Variants in ENTPD4 observed in about 807,000 individuals in gnomAD.
ENTPD4 encodes the protein Golgi UDPase.
In ENTPD4, 60 loss-of-function variants were observed where a neutral mutation model predicts 79.1. The observed-to-expected ratio is 0.76, with a 90% confidence interval of 0.62 to 0.94. ENTPD4 has a LOEUF of 0.94. Among genes scored for constraint, ENTPD4 ranks in the 40% least tolerant of loss-of-function variants. The pLI is 0.00. For missense variants in ENTPD4, 772 were observed against 775.1 expected (o/e 1.00, Z 0.05); for synonymous variants, 276 against 292.0 (o/e 0.95, Z 0.56).
rs1372518693 is a variant in ENTPD4, at chr8:23,432,121, T to G, written c.*805A>C. The G allele has an allele frequency of 4.1e-5, 40 of 984,642 alleles. No homozygotes were observed. The highest frequency in any genetic ancestry group is 4.5e-5 in the Non-Finnish European group (37 of 829,432). The allele number at this position is 984,642 out of a possible 1,614,324, so 61.0% of individuals were successfully genotyped here. A position where few individuals can be genotyped will look rare whatever the true frequency, so the allele number is the denominator to read the frequency against. On this transcript the variant is annotated 3_prime_UTR_variant, in exon 13 of 13. Transcript: ENST00000358689. Reference sequence around the variant, plus strand: ...TTGGATATAAATGGTTTAAAAAATTTAAATTTGCAAAGAAAACATATACAG... The same window carrying G: ...TTGGATATAAATGGTTTAAAAAATTGAAATTTGCAAAGAAAACATATACAG...
chr8:23,442,482 G>A (rs1277888902), intron 6 of ENTPD4, among the ~76,000 whole-genome samples: 1 of 152,098 alleles, frequency 6.6e-6, no homozygotes, highest in Non-Finnish European at 1.5e-5. Flanking sequence ...TCAAGAGATT[G>A]AGACCATCCT....
chr8:23,452,934 C>G (rs1283346085), intron 1 of ENTPD4, among the ~76,000 whole-genome samples: 1 of 152,194 alleles, frequency 6.6e-6, no homozygotes, highest in African/African-American at 2.4e-5. Context: ...CATTACATGA[C>G]AAGCCCCACT....
At position 23,432,738 on chromosome 8, in the gene ENTPD4, T is replaced by C. The variant is rs981453592; in HGVS notation, c.*188A>G. 1 of 1,286,456 alleles carries C rather than the reference T, an allele frequency of 7.8e-7. No homozygotes were observed. The highest frequency in any genetic ancestry group is 2.7e-5 in the East Asian group (1 of 37,210). 79.7% of individuals were successfully genotyped at this position (1,286,456 alleles called of 1,614,324 possible). On this transcript the variant is annotated 3_prime_UTR_variant, in exon 13 of 13. Transcript: ENST00000358689. ...TGGTCTCGATCTCCTGACCTCATGA[T>C]CCGCCCGCCTCGGCCTCCCAAAGTG...
chr8:23,442,203 C>T, intron 6 of ENTPD4, 137 bp from the exon 7 acceptor site: 2 of 605,806 alleles, frequency 3.3e-6, no homozygotes, highest in Non-Finnish European at 5.8e-6. Flanking sequence ...TAACACCTTG[C>T]TACTGATGTT....
intron 1 of ENTPD4, among the ~76,000 whole-genome samples, chr8:23,451,622 C>T (rs1186788006): frequency 4.6e-5 from 7 of 152,190 alleles, no homozygotes; most frequent in Non-Finnish European, 1.0e-4. Flanking sequence ...CAGGATCTAA[C>T]ACCTGTTAAG....
intron 10 of ENTPD4, among the ~76,000 whole-genome samples, chr8:23,435,736 A>T (rs1308736237): frequency 1.3e-5 from 2 of 152,210 alleles, no homozygotes; most frequent in African/African-American, 4.8e-5. Context: ...AACCTCTCCA[A>T]AACTGTTTAG....
Position 23,441,663 on chromosome 8 carries a change from C to G in ENTPD4, c.788G>C (p.Arg263Pro). Residue 263 changes from arginine to proline, a missense_variant, in exon 8 of 13, where the codon CGT (arginine) becomes CCT (proline). By Grantham distance (103) the Arg-to-Pro change is moderately radical. Transcript: ENST00000358689. The stretch of plus-strand genomic sequence containing the variant: ...GTCGAGAATGCCCGCTGTCCTTTTA[C>G]GGACAATGGCTTCGCTGCTTTCACT... Reference protein sequence around the residue: ...PGSESSEAIVRKRTAGILDMG... With the variant: ...PGSESSEAIVPKRTAGILDMG... 1.9e-6 allele frequency: 3 copies of G among 1,614,078 alleles called. No homozygotes were observed. The highest frequency in any genetic ancestry group is 2.5e-6 in the Non-Finnish European group (3 of 1,179,962).
chr8:23,453,592 T>C (rs1237604747), intron 1 of ENTPD4, among the ~76,000 whole-genome samples: 1 of 152,032 alleles, frequency 6.6e-6, no homozygotes, highest in East Asian at 1.9e-4. Context: ...TAAATAGAAA[T>C]AAAAACAGCT....
Position 23,434,300 on chromosome 8 carries a change from C to G in ENTPD4, c.1622+17G>C. 6.2e-7 allele frequency: 1 copy of G among 1,607,170 alleles called. No individual in the cohort carries two copies. Among genetic ancestry groups the G allele is most frequent in the Admixed American group, 1.7e-5 (1 of 59,556 alleles). Reference sequence around the variant, plus strand: ...AAAGCATCTTTTTGATTCTCGTTCCCAAATTCACAGCCCTACCTTAATGGT... The same window carrying G: ...AAAGCATCTTTTTGATTCTCGTTCCGAAATTCACAGCCCTACCTTAATGGT... On this transcript the variant is annotated intron_variant, in intron 12 of 12. Coordinates refer to ENST00000358689, the MANE Select transcript of ENTPD4 (RefSeq NM_004901.5).
chr8:23,432,820 G>C lies in ENTPD4; in HGVS notation c.*106C>G, dbSNP rs1800479782. Reference sequence around the variant, plus strand: ...GCCTGCATTTTGTTTTTGTTTGGAGGAACAAAAAAGGGAAAGAAAAAACAA... The same window carrying C: ...GCCTGCATTTTGTTTTTGTTTGGAGCAACAAAAAAGGGAAAGAAAAAACAA... On this transcript the variant is annotated 3_prime_UTR_variant, in exon 13 of 13. Coordinates refer to ENST00000358689, the MANE Select transcript of ENTPD4 (RefSeq NM_004901.5). The C allele has an allele frequency of 6.9e-7, 1 of 1,447,080 alleles. No homozygotes were observed. The highest frequency in any genetic ancestry group is 9.1e-7 in the Non-Finnish European group (1 of 1,101,212). The allele number at this position is 1,447,080 out of a possible 1,614,324, so 89.6% of individuals were successfully genotyped here. A position where few individuals can be genotyped will look rare whatever the true frequency, so the allele number is the denominator to read the frequency against.
intron 9 of ENTPD4, 38 bp from the exon 10 acceptor site, chr8:23,437,296 G>A (rs1249456733): frequency 4.0e-6 from 6 of 1,494,744 alleles, no homozygotes; most frequent in Non-Finnish European, 4.5e-6. Flanking sequence ...GAGTCCTACA[G>A]AAAACTGTGT....
chr8:23,440,391 A>C lies in ENTPD4; in HGVS notation c.883-476T>G, dbSNP rs139959991. ...AAATCATATAAACTAAGATTATAAC[A>C]ACCATATTTTTTAAAACTATGAGTA... On this transcript the variant is annotated intron_variant, in intron 8 of 12. Coordinates refer to ENST00000358689, the MANE Select transcript of ENTPD4 (RefSeq NM_004901.5). 9.0e-3 allele frequency among the ~76,000 whole-genome samples: 1,371 copies of C among 152,342 alleles called. 27 individuals are homozygous for C. The highest frequency in any genetic ancestry group is 0.031 in the African/African-American group (1,302 of 41,574).
In ENTPD4 at chr8:23,429,745, G is replaced by T. The variant is rs959438755; in HGVS notation, c.*3181C>A. 1.2e-5 allele frequency: 12 copies of T among 985,356 alleles called. No individual in the cohort carries two copies. In the African/African-American group the frequency reaches 1.7e-4, roughly 14 times the overall value. 61.0% of individuals were successfully genotyped at this position (985,356 alleles called of 1,614,324 possible). On this transcript the variant is annotated 3_prime_UTR_variant, in exon 13 of 13. Transcript: ENST00000358689. Reference sequence around the variant, plus strand: ...CAGGGTGGCTGGGCAGGGGCCCCATGTTACTGGCCTCAGCCACCAGCAGCG... The same window carrying T: ...CAGGGTGGCTGGGCAGGGGCCCCATTTTACTGGCCTCAGCCACCAGCAGCG...
intron 1 of ENTPD4, among the ~76,000 whole-genome samples, chr8:23,450,204 T>A (rs1289291816): frequency 6.6e-6 from 1 of 152,234 alleles, no homozygotes; most frequent in Non-Finnish European, 1.5e-5. Flanking sequence ...ATGATAATCG[T>A]CTGGTACTAG....
chr8:23,436,851 A>G (rs1659358855), intron 10 of ENTPD4, 83 bp downstream of exon 10: 1 of 1,077,956 alleles, frequency 9.3e-7, no homozygotes. Flanking sequence ...TTTCCCTGTC[A>G]ATGTGAAAGG....
At chr8:23,443,157 T>C (rs1352339296) in intron 6 of ENTPD4, among the ~76,000 whole-genome samples, 1 of 131,950 alleles carries the variant, frequency 7.6e-6, no homozygotes, top group Non-Finnish European at 1.6e-5. Flanking sequence ...TTCTCCATCA[T>C]GGCCCTAGCT....
chr8:23,448,478 CT>C (rs1221781155), intron 3 of ENTPD4, among the ~76,000 whole-genome samples: 3 of 152,166 alleles, frequency 2.0e-5, no homozygotes, highest in Non-Finnish European at 4.4e-5. Flanking sequence ...AGGGCAGAAA[CT>C]TCAGGGAGCC....
Position 23,429,795 on chromosome 8 carries a change from G to C in ENTPD4, c.*3131C>G. On this transcript the variant is annotated 3_prime_UTR_variant, in exon 13 of 13. Coordinates refer to ENST00000358689, the MANE Select transcript of ENTPD4 (RefSeq NM_004901.5). ...GTCTTCACTCCGCCCAGGTCAGAAA[G>C]CACTGCCTAAAGCCGGAGCTTAGGA... 1 of 985,470 alleles carries C rather than the reference G, an allele frequency of 1.0e-6. No individual in the cohort carries two copies. The highest frequency in any genetic ancestry group is 1.2e-6 in the Non-Finnish European group (1 of 829,952). 61.0% of individuals were successfully genotyped at this position (985,470 alleles called of 1,614,324 possible). A position where few individuals can be genotyped will look rare whatever the true frequency, so the allele number is the denominator to read the frequency against.
Position 23,431,518 on chromosome 8 carries a change from T to C in ENTPD4, c.*1408A>G. Reference sequence around the variant, plus strand: ...TTAGATTTTGGCTTAAATTGTCGAATTTTTTCCTTCAAAATGTGAATTTAT... The same window carrying C: ...TTAGATTTTGGCTTAAATTGTCGAACTTTTTCCTTCAAAATGTGAATTTAT... On this transcript the variant is annotated 3_prime_UTR_variant, in exon 13 of 13. Transcript: ENST00000358689. The C allele has an allele frequency of 2.0e-6, 2 of 985,460 alleles. No individual in the cohort carries two copies. The highest frequency in any genetic ancestry group is 2.4e-6 in the Non-Finnish European group (2 of 829,946). The allele number at this position is 985,460 out of a possible 1,614,324, so 61.0% of individuals were successfully genotyped here. A position where few individuals can be genotyped will look rare whatever the true frequency, so the allele number is the denominator to read the frequency against.
Sources: gnomAD v4.1 joint callset for allele counts (sites outside exome capture counted in the v4.1 genomes callset) on GRCh38, gnomAD v4.1.1 for gene constraint, MANE v1.5 for transcripts, NCBI Gene and HGNC (gene_info 2026-07-23, HGNC 2026-07-21) for gene names.